Variants in PDE8A observed in about 807,000 individuals in gnomAD.
PDE8A encodes high affinity cAMP-specific and IBMX-insensitive 3',5'-cyclic phosphodiesterase 8A.
Under a neutral mutation model 105.0 loss-of-function variants are expected in PDE8A, and 59 were observed. That is an observed-to-expected ratio of 0.56 (90% CI 0.46 to 0.70). PDE8A has a LOEUF of 0.70. Among genes scored for constraint, PDE8A ranks in the 30% least tolerant of loss-of-function variants. The pLI is 0.00. For synonymous variants in PDE8A, 355 were observed against 371.9 expected (o/e 0.95, Z 0.52); for missense variants, 1,014 against 1,045.9 (o/e 0.97, Z 0.42).
intron 11 of PDE8A, among the ~76,000 whole-genome samples, chr15:85,101,850 G>T (rs910195307): frequency 5.9e-5 from 9 of 152,226 alleles, no homozygotes; most frequent in African/African-American, 2.2e-4. Context: ...GGCAGTAGCA[G>T]TAGGGCTGGG....
At chr15:85,083,781 C>T (rs751727208) in intron 6 of PDE8A, 137 bp downstream of exon 6, 8 of 614,730 alleles carry the variant, frequency 1.3e-5, no homozygotes, top group South Asian at 2.0e-5. Flanking sequence ...CAACTCCCCT[C>T]GTACAGACTT....
In PDE8A at chr15:85,118,858, C is replaced by T. The variant is rs139904232; in HGVS notation, c.1734+1019C>T. 2.5e-3 allele frequency among the ~76,000 whole-genome samples: 380 copies of T among 152,378 alleles called. 2 individuals are homozygous for T. Among genetic ancestry groups the T allele is most frequent in the Non-Finnish European group, 3.8e-3 (261 of 68,038 alleles). Reference sequence around the variant, plus strand: ...TGGCAGAGAGCAAAGCAGAAGATGACATCTGGCACACACAGGGAGTGAACA... The same window carrying T: ...TGGCAGAGAGCAAAGCAGAAGATGATATCTGGCACACACAGGGAGTGAACA... On this transcript the variant is annotated intron_variant, in intron 17 of 21. Transcript: ENST00000394553.
chr15:85,099,815 G>T (rs1311106136), intron 9 of PDE8A, 200 bp from the exon 10 acceptor site: 1 of 530,904 alleles, frequency 1.9e-6, no homozygotes, highest in South Asian at 3.1e-5. Flanking sequence ...TTTTACTGAA[G>T]TCACTTGTAC....
intron 3 of PDE8A, among the ~76,000 whole-genome samples, chr15:85,074,964 C>G (rs980546226): frequency 7.9e-5 from 12 of 152,192 alleles, no homozygotes; most frequent in African/African-American, 2.9e-4. Flanking sequence ...GAGTCCCTCT[C>G]CAACATAAGT....
intron 3 of PDE8A, 92 bp downstream of exon 3, chr15:85,067,296 T>A: frequency 1.1e-6 from 1 of 894,548 alleles, no homozygotes; most frequent in Non-Finnish European, 1.7e-6. Flanking sequence ...CACTCTCTTT[T>A]AAGTTGCTTT....
chr15:85,073,974 A>T (rs2081347670), intron 3 of PDE8A, among the ~76,000 whole-genome samples: 1 of 152,242 alleles, frequency 6.6e-6, no homozygotes, highest in African/African-American at 2.4e-5. Flanking sequence ...GGGGTCTTCC[A>T]GCAGAGCCAT....
chr15:85,070,962 T>C (rs1239542983), intron 3 of PDE8A, among the ~76,000 whole-genome samples: 1 of 152,162 alleles, frequency 6.6e-6, no homozygotes, highest in Non-Finnish European at 1.5e-5. Context: ...ACTGTAGCAC[T>C]TGATATCAAT....
At chr15:84,995,148 G>A (rs543214473) in intron 1 of PDE8A, among the ~76,000 whole-genome samples, 2 of 152,166 alleles carry the variant, frequency 1.3e-5, no homozygotes, top group South Asian at 2.1e-4. Flanking sequence ...ATATATCTGC[G>A]TAATCCAAAC....
In PDE8A at chr15:85,103,692, C is replaced by T. The variant is rs151164523; in HGVS notation, c.1036+3494C>T. Among the ~76,000 whole-genome samples the T allele has an allele frequency of 4.4e-3, 676 of 152,334 alleles. 2 individuals carry two copies. The highest frequency in any genetic ancestry group is 8.2e-3 in the Non-Finnish European group (556 of 68,038). On this transcript the variant is annotated intron_variant, in intron 11 of 21. Coordinates refer to ENST00000394553, the MANE Select transcript of PDE8A (RefSeq NM_002605.3). ...GAACCTGGGGAAGCTGAGCAATTGTCCCCACTGCCGTAGGCATGCCATAGG... is the reference window on the plus strand; with the variant it reads ...GAACCTGGGGAAGCTGAGCAATTGTTCCCACTGCCGTAGGCATGCCATAGG...
chr15:85,040,016 G>T (rs1596465432), intron 1 of PDE8A, among the ~76,000 whole-genome samples: 1 of 152,290 alleles, frequency 6.6e-6, no homozygotes, highest in Middle Eastern at 3.4e-3. Flanking sequence ...ATAAGTTCTG[G>T]TGGTTCATTG....
intron 4 of PDE8A, among the ~76,000 whole-genome samples, 162 bp downstream of exon 4, chr15:85,076,080 C>G (rs1317599887): frequency 6.6e-6 from 1 of 152,120 alleles, no homozygotes; most frequent in South Asian, 2.1e-4. Flanking sequence ...CAGTTAACTT[C>G]CTGGAAGGAC....
intron 1 of PDE8A, among the ~76,000 whole-genome samples, chr15:85,006,315 G>A (rs1390250748): frequency 6.6e-6 from 1 of 152,030 alleles, no homozygotes; most frequent in African/African-American, 2.4e-5. Flanking sequence ...CTTTCAGAGG[G>A]ACAAGGTTCT....
chr15:85,015,314 C>T (rs1452889401), intron 1 of PDE8A, among the ~76,000 whole-genome samples: 1 of 151,778 alleles, frequency 6.6e-6, no homozygotes, highest in Non-Finnish European at 1.5e-5. Context: ...GGAGCCTCGA[C>T]CTCCCGGGCT....
intron 3 of PDE8A, among the ~76,000 whole-genome samples, chr15:85,068,214 A>G (rs924580176): frequency 6.6e-6 from 1 of 151,782 alleles, no homozygotes; most frequent in Non-Finnish European, 1.5e-5. Flanking sequence ...CTAATTTTGT[A>G]TTTTTAATAG....
intron 1 of PDE8A, among the ~76,000 whole-genome samples, chr15:85,012,142 A>G (rs2080249356): frequency 6.6e-6 from 1 of 152,222 alleles, no homozygotes; most frequent in South Asian, 2.1e-4. Context: ...CAGTGTGGTG[A>G]TTCCTCAGGG....
chr15:85,126,182 G>T, intron 19 of PDE8A, 25 bp from the exon 20 acceptor site: 1 of 1,583,412 alleles, frequency 6.3e-7, no homozygotes, highest in South Asian at 1.2e-5. Context: ...CATTTTGATT[G>T]CTTTGAATTC....
chr15:84,989,773 A>C (rs946616787), intron 1 of PDE8A, among the ~76,000 whole-genome samples: 2 of 152,234 alleles, frequency 1.3e-5, no homozygotes, highest in Non-Finnish European at 2.9e-5. Context: ...CTCAAAGGCA[A>C]ACTTGGTTCA....
At chr15:85,088,866 G>A (rs917732747) in intron 6 of PDE8A, among the ~76,000 whole-genome samples, 1 of 152,200 alleles carries the variant, frequency 6.6e-6, no homozygotes, top group Non-Finnish European at 1.5e-5. Context: ...AGGAAGCAAA[G>A]CTAGTCTTTC....
chr15:85,115,302 G>C, intron 14 of PDE8A, 137 bp from the exon 15 acceptor site: 1 of 608,920 alleles, frequency 1.6e-6, no homozygotes, highest in East Asian at 3.2e-5. Context: ...GGGTGGACCT[G>C]CTGGGCCCAG....
Sources: gnomAD v4.1 joint callset for allele counts (sites outside exome capture counted in the v4.1 genomes callset) on GRCh38, gnomAD v4.1.1 for gene constraint, MANE v1.5 for transcripts, NCBI Gene and HGNC (gene_info 2026-07-23, HGNC 2026-07-21) for gene names.